Variants in OCRL observed in about 807,000 individuals in gnomAD.
OCRL encodes the protein OCRL inositol polyphosphate-5-phosphatase, also known as inositol polyphosphate 5-phosphatase OCRL.
Under a neutral mutation model 78.9 loss-of-function variants are expected in OCRL, and 8 were observed. The ratio of observed to expected loss-of-function variants is 0.10; its 90% CI spans 0.06 to 0.18. The LOEUF is 0.18. OCRL is among the 10% of genes least tolerant of loss of function. The pLI is 1.00. For missense variants in OCRL, 454 were observed against 696.7 expected (o/e 0.65, Z 3.92); for synonymous variants, 240 against 235.4 (o/e 1.02, Z -0.18).
intron 18 of OCRL, among the ~76,000 whole-genome samples, chrX:129,577,933 C>T (rs1360743867): frequency 8.9e-6 from 1 of 111,834 alleles, no homozygotes; most frequent in Non-Finnish European, 1.9e-5. Flanking sequence ...TACCCCCTTT[C>T]CTTCATCTCA....
chrX:129,569,866 C>T (rs1280599301), intron 15 of OCRL, among the ~76,000 whole-genome samples: 1 of 83,722 alleles, frequency 1.2e-5, no homozygotes, highest in East Asian at 4.0e-4. Flanking sequence ...TTTTTTGAGA[C>T]GGAGTCTTGC....
intron 13 of OCRL, among the ~76,000 whole-genome samples, chrX:129,566,966 T>TA (rs1936225086): frequency 8.9e-6 from 1 of 112,258 alleles, no homozygotes; most frequent in Non-Finnish European, 1.9e-5. Flanking sequence ...CCAAGGAACT[T>TA]ACAATTATTC....
At chrX:129,540,545 G>A in intron 1 of OCRL, 67 bp downstream of exon 1, 2 of 1,089,180 alleles carry the variant, frequency 1.8e-6, no homozygotes, top group Non-Finnish European at 2.5e-6. Flanking sequence ...GGGGCCCTGC[G>A]GAACACGGTG....
intron 13 of OCRL, among the ~76,000 whole-genome samples, chrX:129,566,370 A>T (rs1936216605): frequency 8.9e-6 from 1 of 112,529 alleles, no homozygotes; most frequent in Non-Finnish European, 1.9e-5. Flanking sequence ...AGCATAGGCT[A>T]TGGGCTCATG....
chrX:129,557,227 T>C, intron 4 of OCRL, 98 bp from the exon 5 acceptor site: 1 of 689,471 alleles, frequency 1.5e-6, no homozygotes, highest in Non-Finnish European at 2.3e-6. Context: ...ATATTTGTGA[T>C]CTGGACCTTC....
chrX:129,550,225 C>T (rs749616897), intron 4 of OCRL, among the ~76,000 whole-genome samples: 6 of 112,200 alleles, frequency 5.3e-5, no homozygotes, highest in Non-Finnish European at 7.5e-5. Flanking sequence ...GATTATTTTC[C>T]TGCAATCTAG....
intron 2 of OCRL, 82 bp from the exon 3 acceptor site, chrX:129,544,876 T>G (rs1935857183): frequency 1.7e-6 from 1 of 592,557 alleles, no homozygotes; most frequent in African/African-American, 2.2e-5. Flanking sequence ...CAGACTAGAT[T>G]TGTATAACAG....
Position 129,540,873 on chromosome X carries a change from C to T in OCRL, c.119+50C>T, listed in dbSNP as rs775597668. On this transcript the variant is annotated intron_variant, in intron 2 of 23. Transcript: ENST00000371113. ...GAGGAGGGGAGCCTGCCATTACCTC[C>T]CAACCCCAAACCGCGACGGGTCACC... 1.2e-4 allele frequency: 128 copies of T among 1,055,275 alleles called. No individual in the cohort carries two copies. The East Asian group carries it at 3.8e-3, about 31-fold the overall frequency. 87.0% of individuals were successfully genotyped at this position (1,055,275 alleles called of 1,213,427 possible).
rs1017510631 is a variant in OCRL at position 129,575,735 on chromosome X, C to A, written c.1714-162C>A. The A allele has an allele frequency of 1.3e-5, 7 of 539,987 alleles. No homozygotes were observed. In the Admixed American group the frequency reaches 1.8e-4, roughly 14 times the overall value. The allele number at this position is 539,987 out of a possible 1,213,427, so 44.5% of individuals were successfully genotyped here. On this transcript the variant is annotated intron_variant, in intron 16 of 23. Transcript: ENST00000371113. ...CTCTGCTGGTGTGAGTATAATAATACATGCAAGTGGATGTTGTGAAGTTGG... is the reference window on the plus strand; with the variant it reads ...CTCTGCTGGTGTGAGTATAATAATAAATGCAAGTGGATGTTGTGAAGTTGG...
Position 129,591,255 on chromosome X carries a change from A to G in OCRL, c.*985A>G, listed in dbSNP as rs1008489871. 3.5e-5 allele frequency: 4 copies of G among 113,148 alleles called. No homozygotes were observed. Among genetic ancestry groups the G allele is most frequent in the African/African-American group, 1.3e-4 (4 of 30,685 alleles). 9.3% of individuals were successfully genotyped at this position (113,148 alleles called of 1,213,427 possible). ...GTATTGTGGATGACCCTTAGAATCC[A>G]TTCTCTGGTCTTCTGAAATACCAAG... On this transcript the variant is annotated 3_prime_UTR_variant, in exon 24 of 24. Transcript: ENST00000371113.
intron 12 of OCRL, among the ~76,000 whole-genome samples, chrX:129,564,519 C>T (rs1263443003): frequency 1.8e-5 from 2 of 110,979 alleles, no homozygotes; most frequent in African/African-American, 6.6e-5. Context: ...GGCACATATA[C>T]ACCATGGAAT....
chrX:129,569,839 T>TC (rs946456278), intron 15 of OCRL, among the ~76,000 whole-genome samples: 16 of 106,923 alleles, frequency 1.5e-4, no homozygotes, highest in African/African-American at 5.4e-4. Context: ...ACTTATTTTT[T>TC]CTTTTTTTTT....
At position 129,587,216 on chromosome X, in the gene OCRL, A is replaced by G. The variant is rs2076076; in HGVS notation, c.2256+98A>G. The G allele has an allele frequency of 0.098, 57,011 of 584,162 alleles. 7,711 individuals carry two copies. The highest frequency in any genetic ancestry group is 0.66 in the East Asian group (20,048 of 30,319). The allele number at this position is 584,162 out of a possible 1,213,427, so 48.1% of individuals were successfully genotyped here. A position where few individuals can be genotyped will look rare whatever the true frequency, so the allele number is the denominator to read the frequency against. On this transcript the variant is annotated intron_variant, in intron 20 of 23. Transcript: ENST00000371113. ...TCAGCATAGCGCTTTTAACTTTCCCAAGCTACCTGCACACAGTGGCACTGT... is the reference window on the plus strand; with the variant it reads ...TCAGCATAGCGCTTTTAACTTTCCCGAGCTACCTGCACACAGTGGCACTGT...
intron 13 of OCRL, among the ~76,000 whole-genome samples, chrX:129,566,789 A>AT (rs1255161712): frequency 8.9e-6 from 1 of 112,229 alleles, no homozygotes; most frequent in Non-Finnish European, 1.9e-5. Flanking sequence ...AAAGGGGTAC[A>AT]TTTAGGATAA....
intron 15 of OCRL, among the ~76,000 whole-genome samples, chrX:129,573,041 G>A (rs997931318): frequency 1.8e-5 from 2 of 111,894 alleles, no homozygotes; most frequent in South Asian, 3.7e-4. Flanking sequence ...ATTAAAAGTT[G>A]CAAAGTTTTG....
At chrX:129,574,975 C>A (rs1936349739) in intron 15 of OCRL, among the ~76,000 whole-genome samples, 165 bp from the exon 16 acceptor site, 1 of 112,027 alleles carries the variant, frequency 8.9e-6, no homozygotes, top group Admixed American at 9.5e-5. Flanking sequence ...CTTTCAGGTG[C>A]AAGCTGTGGA....
intron 15 of OCRL, among the ~76,000 whole-genome samples, chrX:129,572,870 A>T (rs1936320645): frequency 8.9e-6 from 1 of 111,906 alleles, no homozygotes; most frequent in South Asian, 3.7e-4. Context: ...AAGAGTCTTA[A>T]ACTAGTCCAG....
chrX:129,556,230 A>G (rs1936047643), intron 4 of OCRL, among the ~76,000 whole-genome samples: 1 of 112,235 alleles, frequency 8.9e-6, no homozygotes, highest in Non-Finnish European at 1.9e-5. Flanking sequence ...CGTGGTAAAG[A>G]GTCCAGTTCA....
chrX:129,544,380 G>C (rs764897057), intron 2 of OCRL, among the ~76,000 whole-genome samples: 64 of 111,548 alleles, frequency 5.7e-4, no homozygotes, highest in Non-Finnish European at 8.5e-4. Flanking sequence ...TGTGATATCT[G>C]CCACCTTGTT....
Sources: allele counts gnomAD v4.1 joint callset (sites outside exome capture counted in the v4.1 genomes callset), GRCh38; gene constraint gnomAD v4.1.1; transcripts MANE v1.5; gene names NCBI Gene and HGNC (gene_info 2026-07-23, HGNC 2026-07-21).